Variants in ERO1A observed in about 807,000 individuals in gnomAD.
The protein encoded by ERO1A is ERO1-like protein alpha.
In ERO1A, 49 loss-of-function variants were observed where a neutral mutation model predicts 76.9. The ratio of observed to expected loss-of-function variants is 0.64; its 90% CI spans 0.51 to 0.81. The LOEUF (loss-of-function observed/expected upper bound fraction) is 0.81, where lower values mean the gene tolerates loss of function less well. Ranked by LOEUF, ERO1A falls within the 30% of genes least tolerant of loss-of-function variation. The pLI is 0.00. For missense variants in ERO1A, 448 were observed against 542.1 expected, an observed-to-expected ratio of 0.83 and a Z score of 1.72; for synonymous variants, 174 against 181.2, an observed-to-expected ratio of 0.96 and a Z score of 0.32.
chr14:52,675,693 G>C (rs2040761447), intron 4 of ERO1A, among the ~76,000 whole-genome samples: 2 of 152,038 alleles, frequency 1.3e-5, no homozygotes, highest in Admixed American at 6.5e-5. Flanking sequence ...GGAGTACAGT[G>C]GTGAAATCAC....
At position 52,663,863 on chromosome 14, in the gene ERO1A, A is replaced by T; in HGVS notation, c.630-16T>A. 6.8e-7 allele frequency: 1 copy of T among 1,465,050 alleles called. No homozygotes were observed. Among genetic ancestry groups the T allele is most frequent in the Non-Finnish European group, 9.5e-7 (1 of 1,054,740 alleles). 90.8% of individuals were successfully genotyped at this position (1,465,050 alleles called of 1,614,324 possible). A position where few individuals can be genotyped will look rare whatever the true frequency, so the allele number is the denominator to read the frequency against. ...TGTCTGTGGCCTAGAAGTAAAAAGAATTAAAAATATCAACACAAATATGTT... is the reference window on the plus strand; with the variant it reads ...TGTCTGTGGCCTAGAAGTAAAAAGATTTAAAAATATCAACACAAATATGTT... On this transcript the variant is annotated splice_polypyrimidine_tract_variant and intron_variant, in intron 7 of 15. Transcript: ENST00000395686.
intron 11 of ERO1A, among the ~76,000 whole-genome samples, chr14:52,654,798 T>C (rs76056145): frequency 0.028 from 4,218 of 152,314 alleles, 194 homozygotes; most frequent in African/African-American, 0.095. Flanking sequence ...CTTCTAACTG[T>C]GTATTCATCA....
At position 52,684,161 on chromosome 14, in the gene ERO1A, G is replaced by A. The variant is rs544146178; in HGVS notation, c.115-254C>T. On this transcript the variant is annotated intron_variant, in intron 1 of 15. Coordinates refer to ENST00000395686, the MANE Select transcript of ERO1A (RefSeq NM_014584.3). ...CACACACACACACACAGAGAGAGTT[G>A]GCCCCCTGGCAACCTTTATTTTGTA... Among the ~76,000 whole-genome samples, 3 of 118,028 alleles carry A rather than the reference G, an allele frequency of 2.5e-5. No homozygotes were observed. The East Asian group carries it at 7.9e-4, about 31-fold the overall frequency. 77.4% of individuals were successfully genotyped at this position (118,028 alleles called of 152,430 possible). A position where few individuals can be genotyped will look rare whatever the true frequency, so the allele number is the denominator to read the frequency against.
At chr14:52,682,970 G>A (rs1162807705) in intron 2 of ERO1A, among the ~76,000 whole-genome samples, 1 of 152,022 alleles carries the variant, frequency 6.6e-6, no homozygotes, top group African/African-American at 2.4e-5. Context: ...TACTTTGGGA[G>A]GCCAAGGCAG....
chr14:52,668,794 T>C (rs2040502501), intron 6 of ERO1A, among the ~76,000 whole-genome samples: 1 of 148,284 alleles, frequency 6.7e-6, no homozygotes, highest in South Asian at 2.1e-4. Flanking sequence ...ATAATTATAA[T>C]TATACAATTA....
chr14:52,666,532 C>T (rs776379394), intron 6 of ERO1A, 37 bp from the exon 7 acceptor site: 1 of 1,564,286 alleles, frequency 6.4e-7, no homozygotes, highest in East Asian at 2.3e-5. Flanking sequence ...CTTTCTTATC[C>T]TCAGTTACCT....
intron 8 of ERO1A, among the ~76,000 whole-genome samples, chr14:52,663,041 G>A (rs1184279854): frequency 6.6e-6 from 1 of 152,044 alleles, no homozygotes; most frequent in African/African-American, 2.4e-5. Flanking sequence ...AAAGTTTTAT[G>A]GAAAAAGCAG....
intron 13 of ERO1A, among the ~76,000 whole-genome samples, chr14:52,651,763 C>A (rs2139644578): frequency 6.6e-6 from 1 of 152,026 alleles, no homozygotes; most frequent in East Asian, 1.9e-4. Flanking sequence ...TTAACAAATC[C>A]ATCACCTCAC....
At chr14:52,691,937 C>G (rs149097337) in intron 1 of ERO1A, among the ~76,000 whole-genome samples, 1 of 152,284 alleles carries the variant, frequency 6.6e-6, no homozygotes. Context: ...CACTTAAGCA[C>G]TATTATCAAA....
intron 7 of ERO1A, among the ~76,000 whole-genome samples, chr14:52,666,082 C>T (rs2040400519): frequency 6.6e-6 from 1 of 152,158 alleles, no homozygotes; most frequent in Non-Finnish European, 1.5e-5. Context: ...TGAAGCAAAC[C>T]TCTCCAGCTC....
At chr14:52,671,573 CT>C (rs942714426) in intron 6 of ERO1A, 56 bp downstream of exon 6, 85 of 1,287,192 alleles carry the variant, frequency 6.6e-5, no homozygotes, top group Middle Eastern at 2.1e-4. Flanking sequence ...TAATTAAAAA[CT>C]TTTTTTTTCT....
At position 52,663,739 on chromosome 14, in the gene ERO1A, C is replaced by T. The variant is rs1402599352; in HGVS notation, c.676+62G>A. ...TTACTGTCATTTATCTTGCCTTCCC[C>T]TTCCTTTGAATTAAAGTTCCCTGGC... On this transcript the variant is annotated intron_variant, in intron 8 of 15. Transcript: ENST00000395686. 3 of 997,434 alleles carry T rather than the reference C, an allele frequency of 3.0e-6. No homozygotes were observed. In the African/African-American group the frequency reaches 4.8e-5, roughly 16 times the overall value. The allele number at this position is 997,434 out of a possible 1,614,324, so 61.8% of individuals were successfully genotyped here.
At chr14:52,663,523 C>T (rs943426333) in intron 8 of ERO1A, among the ~76,000 whole-genome samples, 2 of 151,640 alleles carry the variant, frequency 1.3e-5, no homozygotes, top group Non-Finnish European at 2.9e-5. Context: ...TGGCGTGAAC[C>T]CGGGAGGCGA....
At chr14:52,693,705 C>G (rs903986456) in intron 1 of ERO1A, among the ~76,000 whole-genome samples, 1 of 151,616 alleles carries the variant, frequency 6.6e-6, no homozygotes, top group Non-Finnish European at 1.5e-5. Flanking sequence ...ACTATGTTGC[C>G]CGTGCTGGTC....
At chr14:52,672,960 T>C (rs2040658212) in intron 4 of ERO1A, among the ~76,000 whole-genome samples, 1 of 152,172 alleles carries the variant, frequency 6.6e-6, no homozygotes. Context: ...AACACATTTA[T>C]AACATTTCAG....
intron 15 of ERO1A, among the ~76,000 whole-genome samples, chr14:52,645,157 A>C (rs1328243432): frequency 6.6e-6 from 1 of 152,246 alleles, no homozygotes; most frequent in African/African-American, 2.4e-5. Flanking sequence ...ACCTATGTTA[A>C]ACAACATGAT....
In ERO1A at chr14:52,668,195, G is replaced by A. The variant is rs552268242; in HGVS notation, c.509-1700C>T. ...CTGTTCATTTCAATTAATACTAAAG[G>A]CAAGTGCCACATATAAATTATAATA... On this transcript the variant is annotated intron_variant, in intron 6 of 15. Coordinates refer to ENST00000395686, the MANE Select transcript of ERO1A (RefSeq NM_014584.3). Among the ~76,000 whole-genome samples the A allele has an allele frequency of 2.0e-4, 31 of 152,142 alleles. No individual in the cohort carries two copies. In the South Asian group the frequency reaches 6.3e-3, roughly 31 times the overall value.
At chr14:52,643,907 AC>A (rs1314785224) in intron 15 of ERO1A, among the ~76,000 whole-genome samples, 1 of 151,960 alleles carries the variant, frequency 6.6e-6, no homozygotes, top group Non-Finnish European at 1.5e-5. Context: ...TGAGGCCAAG[AC>A]GGGAGAACTA....
intron 6 of ERO1A, 114 bp from the exon 7 acceptor site, chr14:52,666,609 G>T (rs2040418822): frequency 2.0e-6 from 2 of 1,013,068 alleles, no homozygotes; most frequent in Non-Finnish European, 2.8e-6. Context: ...CAATGTGTCA[G>T]GAATTTTAAA....
Sources: gnomAD v4.1 joint callset for allele counts (sites outside exome capture counted in the v4.1 genomes callset) on GRCh38, gnomAD v4.1.1 for gene constraint, MANE v1.5 for transcripts, NCBI Gene and HGNC (gene_info 2026-07-23, HGNC 2026-07-21) for gene names.